Variants in PPP2R3A observed in about 807,000 individuals in gnomAD.
PPP2R3A encodes protein phosphatase 2 regulatory subunit B''alpha.
A neutral mutation model predicts 106.9 loss-of-function variants in PPP2R3A; 80 were observed. That is an observed-to-expected ratio of 0.75 (90% confidence interval 0.62 to 0.90). PPP2R3A has a LOEUF of 0.90. Among genes scored for constraint, PPP2R3A ranks in the 40% least tolerant of loss-of-function variants. PPP2R3A has a pLI of 0.00. For synonymous variants in PPP2R3A, 483 were observed against 468.3 expected (o/e 1.03, Z -0.41); for missense variants, 1,386 against 1,350.4 (o/e 1.03, Z -0.41).
chr3:136,086,940 G>A (rs906965645), intron 8 of PPP2R3A, among the ~76,000 whole-genome samples: 7 of 152,254 alleles, frequency 4.6e-5, no homozygotes, highest in East Asian at 1.9e-4. Context: ...GGTGGCTCAC[G>A]CCTGTATTCC....
intron 13 of PPP2R3A, among the ~76,000 whole-genome samples, chr3:136,110,475 C>T (rs1350589296): frequency 6.6e-6 from 1 of 151,758 alleles, no homozygotes; most frequent in Non-Finnish European, 1.5e-5. Flanking sequence ...GGGATACTGG[C>T]GTAAGAAATC....
chr3:136,117,135 C>T (rs185201123), intron 13 of PPP2R3A, among the ~76,000 whole-genome samples: 2 of 152,318 alleles, frequency 1.3e-5, no homozygotes, highest in East Asian at 3.9e-4. Flanking sequence ...TCCTGAATGA[C>T]TACTGGGTAA....
rs1366507060 is a variant in PPP2R3A at position 135,980,272 on chromosome 3, C to CA, written c.-441+14424dup. ...TTTCCAGAGATTGGAAAGCATGTGA[C>CA]ACATAGTTTCCCCATCTTGCCTGTG... On this transcript the variant is annotated intron_variant, in intron 1 of 13. Coordinates refer to ENST00000264977, the MANE Select transcript of PPP2R3A (RefSeq NM_002718.5). Among the ~76,000 whole-genome samples the CA allele has an allele frequency of 3.3e-5, 5 of 151,856 alleles. No individual in the cohort carries two copies. The East Asian group carries it at 9.7e-4, about 29-fold the overall frequency.
chr3:136,030,533 G>A (rs1047990401), intron 3 of PPP2R3A, among the ~76,000 whole-genome samples: 1 of 151,688 alleles, frequency 6.6e-6, no homozygotes. Context: ...TATTTGTAGT[G>A]TTTTATCCCT....
At chr3:136,057,946 G>C (rs1935932046) in intron 5 of PPP2R3A, among the ~76,000 whole-genome samples, 1 of 152,034 alleles carries the variant, frequency 6.6e-6, no homozygotes, top group Non-Finnish European at 1.5e-5. Context: ...CCTACTACTG[G>C]GTGTATATCC....
At chr3:136,093,118 T>C (rs1284619134) in intron 10 of PPP2R3A, among the ~76,000 whole-genome samples, 1 of 152,232 alleles carries the variant, frequency 6.6e-6, no homozygotes, top group African/African-American at 2.4e-5. Context: ...ATCAAAATTT[T>C]AAATTTTTGG....
At chr3:135,986,897 C>T (rs1373606581) in intron 1 of PPP2R3A, among the ~76,000 whole-genome samples, 1 of 152,144 alleles carries the variant, frequency 6.6e-6, no homozygotes, top group Non-Finnish European at 1.5e-5. Flanking sequence ...TTAATGTAAA[C>T]ATCGTAGTAA....
At chr3:136,105,418 G>C (rs1168663345) in intron 12 of PPP2R3A, among the ~76,000 whole-genome samples, 3 of 152,142 alleles carry the variant, frequency 2.0e-5, no homozygotes, top group Non-Finnish European at 4.4e-5. Context: ...TTGAGGCCAG[G>C]GGTTCAAGAC....
At chr3:136,107,824 A>G (rs143585805) in intron 13 of PPP2R3A, among the ~76,000 whole-genome samples, 21 of 152,284 alleles carry the variant, frequency 1.4e-4, no homozygotes, top group African/African-American at 4.1e-4. Flanking sequence ...TGGATTCACA[A>G]GCATGATTTA....
At chr3:136,142,026 A>G (rs926709578) in intron 13 of PPP2R3A, among the ~76,000 whole-genome samples, 10 of 152,174 alleles carry the variant, frequency 6.6e-5, no homozygotes, top group African/African-American at 1.9e-4. Context: ...AGCCATCTAT[A>G]TAGTAGGCAG....
At chr3:136,101,563 T>C (rs978654181) in intron 10 of PPP2R3A, among the ~76,000 whole-genome samples, 4 of 152,134 alleles carry the variant, frequency 2.6e-5, no homozygotes, top group Admixed American at 2.6e-4. Flanking sequence ...TAGCTGAGAT[T>C]ACAGGCATGC....
At chr3:136,087,014 C>T (rs1383850534) in intron 8 of PPP2R3A, among the ~76,000 whole-genome samples, 1 of 152,066 alleles carries the variant, frequency 6.6e-6, no homozygotes, top group Admixed American at 6.5e-5. Flanking sequence ...CCAGCCTGCC[C>T]AACATGGAGA....
intron 6 of PPP2R3A, among the ~76,000 whole-genome samples, chr3:136,076,257 A>C (rs1936589412): frequency 1.3e-5 from 2 of 152,228 alleles, no homozygotes; most frequent in African/African-American, 2.4e-5. Flanking sequence ...TTGGTGAAAC[A>C]CAGAACAAGT....
At chr3:135,974,699 A>G (rs1197939623) in intron 1 of PPP2R3A, among the ~76,000 whole-genome samples, 2 of 152,216 alleles carry the variant, frequency 1.3e-5, no homozygotes, top group Non-Finnish European at 1.5e-5. Flanking sequence ...ACTTTGGGGT[A>G]AAAGGGAGGG....
chr3:135,967,188 C>T (rs1197853967), intron 1 of PPP2R3A, among the ~76,000 whole-genome samples: 1 of 152,116 alleles, frequency 6.6e-6, no homozygotes, highest in African/African-American at 2.4e-5. Flanking sequence ...TGGAAAAAAA[C>T]TTAGATCTTT....
intron 6 of PPP2R3A, among the ~76,000 whole-genome samples, chr3:136,072,965 T>G (rs1576481093): frequency 6.6e-6 from 1 of 151,144 alleles, no homozygotes; most frequent in East Asian, 1.9e-4. Flanking sequence ...TTTTTGGTTT[T>G]TGTTTGTTTG....
chr3:135,976,421 T>TTGC (rs1192914972), intron 1 of PPP2R3A, among the ~76,000 whole-genome samples: 6 of 152,288 alleles, frequency 3.9e-5, no homozygotes, highest in South Asian at 2.1e-4. Context: ...TTTGGCAGAG[T>TTGC]TGCTGCACTA....
chr3:136,037,983 CACTTCAA>C (rs1033370854), intron 3 of PPP2R3A, among the ~76,000 whole-genome samples: 1 of 152,008 alleles, frequency 6.6e-6, no homozygotes, highest in African/African-American at 2.4e-5. Context: ...TCACACTTCA[CACTTCAA>C]CAAGAAAAAG....
intron 1 of PPP2R3A, among the ~76,000 whole-genome samples, chr3:135,969,327 G>A (rs1004052970): frequency 6.6e-6 from 1 of 152,138 alleles, no homozygotes; most frequent in Non-Finnish European, 1.5e-5. Flanking sequence ...ATATATTCAT[G>A]AGATATATTT....
Sources: allele counts gnomAD v4.1 joint callset (sites outside exome capture counted in the v4.1 genomes callset), GRCh38; gene constraint gnomAD v4.1.1; transcripts MANE v1.5; gene names NCBI Gene and HGNC (gene_info 2026-07-23, HGNC 2026-07-21).